Variants in ADGRV1 observed in about 807,000 individuals in gnomAD.
ADGRV1 encodes the protein G-protein coupled receptor 98.
In ADGRV1, 359 loss-of-function variants were observed where a neutral mutation model predicts 596.2. The observed-to-expected ratio is 0.60, with a 90% CI of 0.55 to 0.66. The LOEUF (loss-of-function observed/expected upper bound fraction) is 0.66, where lower values mean the gene tolerates loss of function less well. Among genes scored for constraint, ADGRV1 ranks in the 30% least tolerant of loss-of-function variants. The pLI, the probability that ADGRV1 is intolerant of heterozygous loss-of-function variation, is 0.00. For synonymous variants in ADGRV1, 2,681 were observed against 2,679.2 expected (o/e 1.00, Z -0.02); for missense variants, 7,274 against 7,575.6 (o/e 0.96, Z 1.48).
intron 17 of ADGRV1, among the ~76,000 whole-genome samples, chr5:90,649,843 A>G (rs1768335557): frequency 6.6e-6 from 1 of 152,184 alleles, no homozygotes; most frequent in Non-Finnish European, 1.5e-5. Context: ...TGTCATTGGG[A>G]AAATATATTT....
chr5:90,924,967 C>T (rs911147542), intron 83 of ADGRV1, among the ~76,000 whole-genome samples: 1 of 150,918 alleles, frequency 6.6e-6, no homozygotes, highest in Non-Finnish European at 1.5e-5. Flanking sequence ...TTTCTGAGGG[C>T]TCTGTTCTGT....
intron 42 of ADGRV1, among the ~76,000 whole-genome samples, chr5:90,713,383 A>C (rs1442307302): frequency 1.3e-5 from 2 of 150,644 alleles, no homozygotes; most frequent in African/African-American, 2.5e-5. Flanking sequence ...TTCAAGTTCA[A>C]AGAGTATATG....
Position 90,627,221 on chromosome 5 carries a change from A to G in ADGRV1, c.683A>G (p.Asn228Ser), listed in dbSNP as rs773883641. Residue 228 changes from asparagine to serine, a missense_variant, in exon 7 of 90, where the codon AAT becomes AGT. Around this residue, in one of 5 missense-constraint regions of ADGRV1, gnomAD observed 1,715 missense variants for 1,708.8 expected, o/e 1.00. Coordinates refer to ENST00000405460, the MANE Select transcript of ADGRV1 (RefSeq NM_032119.4). ...LTVLDDEVPE[N>S]DEIFLIQLKS... is the part of the protein sequence containing the mutation. Reference sequence around the variant, plus strand: ...ATATTCCTTTAACAGGTACCAGAAAATGATGAAATATTTTTAATTCAACTG... The same window carrying G: ...ATATTCCTTTAACAGGTACCAGAAAGTGATGAAATATTTTTAATTCAACTG... The G allele has an allele frequency of 7.5e-5, 114 of 1,524,430 alleles. No individual in the cohort carries two copies. The highest frequency in any genetic ancestry group is 9.9e-5 in the Non-Finnish European group (113 of 1,136,890). The allele number at this position is 1,524,430 out of a possible 1,614,324, so 94.4% of individuals were successfully genotyped here.
chr5:90,993,810 T>A (rs552058401), intron 85 of ADGRV1, among the ~76,000 whole-genome samples: 1 of 152,280 alleles, frequency 6.6e-6, no homozygotes, highest in South Asian at 2.1e-4. Flanking sequence ...GCCATTGTTT[T>A]ATCAAATATC....
intron 38 of ADGRV1, 23 bp downstream of exon 38, chr5:90,706,417 A>G: frequency 6.7e-7 from 1 of 1,494,844 alleles, no homozygotes; most frequent in Middle Eastern, 1.7e-4. Flanking sequence ...TTTTTTTTTA[A>G]TCTTAGGGGG....
Position 90,745,123 on chromosome 5 carries a change from C to T in ADGRV1, c.10627C>T (p.Leu3543=). The change falls in exon 51 of 90, where the codon CTG becomes TTG. Residue 3543 remains leucine (L), a synonymous_variant. Transcript: ENST00000405460. ...GGAGCGTAATCAATTCTCTTTTGTTCTGGAAGTACCTTCTGCTTATGATGT... is the reference window on the plus strand; with the variant it reads ...GGAGCGTAATCAATTCTCTTTTGTTTTGGAAGTACCTTCTGCTTATGATGT... ...NSERNQFSFV[L]EVPSAYDVAS... is the part of the protein sequence containing the mutation. The T allele has an allele frequency of 6.2e-7, 1 of 1,613,658 alleles. No homozygotes were observed. The highest frequency in any genetic ancestry group is 8.5e-7 in the Non-Finnish European group (1 of 1,179,736).
At chr5:90,920,106 A>T (rs958773494) in intron 83 of ADGRV1, among the ~76,000 whole-genome samples, 7 of 152,156 alleles carry the variant, frequency 4.6e-5, no homozygotes, top group Non-Finnish European at 1.0e-4. Context: ...TGGCTTATAA[A>T]CAACCAACAT....
At position 90,853,286 on chromosome 5, in the gene ADGRV1, G is replaced by A; in HGVS notation, c.17207G>A (p.Ser5736Asn). 1 of 1,601,334 alleles carries A rather than the reference G, an allele frequency of 6.2e-7. No homozygotes were observed. The highest frequency in any genetic ancestry group is 8.5e-7 in the Non-Finnish European group (1 of 1,172,430). The change falls in exon 80 of 90, where the codon AGC becomes AAC. Residue 5736 changes from serine to asparagine, a missense_variant and splice_region_variant. By Grantham distance (46) the Ser-to-Asn change is conservative. This residue lies in a region of ADGRV1 where 1,874 missense variants were observed against 1,970.2 expected (regional missense o/e 0.95). Transcript: ENST00000405460. ...GACCCTTTGCTTTTCTGTTGTAGAAGCAAAACCATCCTTGATAGTTGCCCA... is the reference window on the plus strand; with the variant it reads ...GACCCTTTGCTTTTCTGTTGTAGAAACAAAACCATCCTTGATAGTTGCCCA... Reference protein sequence around the residue: ...NVTCGSPGEKSKTILDSCPYL... With the variant: ...NVTCGSPGEKNKTILDSCPYL...
chr5:91,147,176 T>A (rs1582210197), intron 87 of ADGRV1, among the ~76,000 whole-genome samples: 1 of 100,818 alleles, frequency 9.9e-6, no homozygotes. Context: ...GACCTTGTCT[T>A]AAAAAAAAAA....
At chr5:90,841,580 G>A (rs1270056789) in intron 78 of ADGRV1, among the ~76,000 whole-genome samples, 6 of 152,056 alleles carry the variant, frequency 3.9e-5, no homozygotes. Flanking sequence ...GGAATTAAAT[G>A]GAGATGTGAG....
At chr5:90,969,118 A>T (rs1481478378) in intron 84 of ADGRV1, among the ~76,000 whole-genome samples, 8 of 152,210 alleles carry the variant, frequency 5.3e-5, no homozygotes, top group African/African-American at 1.9e-4. Flanking sequence ...CAAGTTACAT[A>T]ACCTCTCTGA....
chr5:90,774,160 T>C, intron 59 of ADGRV1, 26 bp from the exon 60 acceptor site: 1 of 1,333,840 alleles, frequency 7.5e-7, no homozygotes, highest in East Asian at 2.4e-5. Flanking sequence ...ATCTGGAAAA[T>C]GCACTGTTTC....
intron 83 of ADGRV1, among the ~76,000 whole-genome samples, chr5:90,932,005 C>T (rs762380039): frequency 3.9e-5 from 6 of 152,130 alleles, no homozygotes; most frequent in Non-Finnish European, 7.4e-5. Context: ...TTACTTTACT[C>T]ACTTTGTTTT....
intron 85 of ADGRV1, among the ~76,000 whole-genome samples, chr5:91,069,643 G>T (rs1788196610): frequency 6.6e-6 from 1 of 152,156 alleles, no homozygotes; most frequent in Non-Finnish European, 1.5e-5. Flanking sequence ...AAAAGTGAAT[G>T]CATGTGCACT....
chr5:91,113,905 C>T (rs545554493), intron 87 of ADGRV1, among the ~76,000 whole-genome samples: 1 of 149,172 alleles, frequency 6.7e-6, no homozygotes, highest in African/African-American at 2.5e-5. Context: ...GGCAACAGAG[C>T]GAGACTGCAT....
chr5:90,569,379 ATATATATATTTTTTTTTTTTTTTT>A (rs1463005120), intron 1 of ADGRV1, among the ~76,000 whole-genome samples: 42 of 22,284 alleles, frequency 1.9e-3, no homozygotes, highest in African/African-American at 9.4e-3. Context: ...ATATATATAT[ATATATATATTTTTTTTTTTTTTTT>A]TTTTTTTTTT....
At position 90,653,216 on chromosome 5, in the gene ADGRV1, C is replaced by G; in HGVS notation, c.3642C>G (p.Ser1214=). The change falls in exon 20 of 90, where the codon TCC becomes TCG. Residue 1214 remains serine (S), a synonymous_variant. Transcript: ENST00000405460. ...TAAATTTTCTTGTTACAGGTGGATC[C>G]CCAGGTCCTGGGGGCCAGCTAGCAG... ...FLKLVNISGG[S]PGPGGQLAET... 6.2e-7 allele frequency: 1 copy of G among 1,605,928 alleles called. No individual in the cohort carries two copies. The highest frequency in any genetic ancestry group is 8.5e-7 in the Non-Finnish European group (1 of 1,174,810).
chr5:90,779,147 G>A, intron 64 of ADGRV1, 50 bp downstream of exon 64: 1 of 1,118,704 alleles, frequency 8.9e-7, no homozygotes, highest in Non-Finnish European at 1.3e-6. Context: ...CAGAGAGAAA[G>A]AGAGAAAGTT....
intron 87 of ADGRV1, among the ~76,000 whole-genome samples, chr5:91,120,074 C>G (rs1793175444): frequency 6.6e-6 from 1 of 152,146 alleles, no homozygotes; most frequent in South Asian, 2.1e-4. Context: ...GCACTTACAC[C>G]AGGTGATCAC....
Sources: allele counts gnomAD v4.1 joint callset (sites outside exome capture counted in the v4.1 genomes callset), GRCh38; gene constraint gnomAD v4.1.1; regional missense constraint gnomAD v4.1.1; transcripts MANE v1.5; gene names NCBI Gene and HGNC (gene_info 2026-07-23, HGNC 2026-07-21).